Variants in ACTN2 observed in about 807,000 individuals in gnomAD.
ACTN2 encodes the protein actinin alpha 2, also known as alpha-actinin-2.
Under a neutral mutation model 113.8 loss-of-function variants are expected in ACTN2, and 39 were observed. The observed-to-expected ratio is 0.34, with a 90% CI of 0.27 to 0.45. The LOEUF (loss-of-function observed/expected upper bound fraction) is 0.45. Ranked by LOEUF, ACTN2 falls within the 20% of genes least tolerant of loss-of-function variation. The pLI, the probability that ACTN2 is intolerant of heterozygous loss-of-function variation, is 1.00. For synonymous variants in ACTN2, 429 were observed against 444.1 expected (o/e 0.97, Z 0.43); for missense variants, 992 against 1,177.9 (o/e 0.84, Z 2.31).
At chr1:236,750,862 G>T (rs930011456) in intron 14 of ACTN2, among the ~76,000 whole-genome samples, 5 of 152,070 alleles carry the variant, frequency 3.3e-5, no homozygotes, top group Non-Finnish European at 5.9e-5. Flanking sequence ...GCCAGGCGGG[G>T]AGGATCACTT....
At chr1:236,727,827 C>A in intron 6 of ACTN2, 71 bp downstream of exon 6, 1 of 1,460,552 alleles carries the variant, frequency 6.8e-7, no homozygotes, top group Non-Finnish European at 9.6e-7. Context: ...ATGAGCACAT[C>A]AGCACTAGCC....
intron 6 of ACTN2, among the ~76,000 whole-genome samples, chr1:236,729,922 T>A (rs1161663175): frequency 1.3e-5 from 2 of 152,202 alleles, no homozygotes; most frequent in African/African-American, 2.4e-5. Context: ...AGAAAAATGA[T>A]AATACAATAG....
chr1:236,746,250 C>T lies in ACTN2; in HGVS notation c.1407-1417C>T, dbSNP rs1239897947. On this transcript the variant is annotated intron_variant, in intron 12 of 20. Coordinates refer to ENST00000366578, the MANE Select transcript of ACTN2 (RefSeq NM_001103.4). Reference sequence around the variant, plus strand: ...ATGGATTTGGTAGGGTAGGAGGGGACTTTTCAAAGTTGTCTAATCCTGGAC... The same window carrying T: ...ATGGATTTGGTAGGGTAGGAGGGGATTTTTCAAAGTTGTCTAATCCTGGAC... 2.7e-5 allele frequency among the ~76,000 whole-genome samples: 4 copies of T among 150,900 alleles called. No individual in the cohort carries two copies. The East Asian group carries it at 7.8e-4, about 29-fold the overall frequency.
chr1:236,718,863 A>G (rs951603467), intron 2 of ACTN2, 31 bp from the exon 3 acceptor site: 3 of 1,613,988 alleles, frequency 1.9e-6, no homozygotes, highest in African/African-American at 2.7e-5. Context: ...CACTGTCTCT[A>G]TGTCTGCATG....
Position 236,737,297 on chromosome 1 carries a change from G to GTA in ACTN2, c.876+83_876+84insTA. ...GAGGGTGAAAAAATACTCCGTGGGG[G>GTA]CATATATATATATATATATATTTTG... On this transcript the variant is annotated intron_variant, in intron 9 of 20. Transcript: ENST00000366578. 621 of 322,066 alleles carry GTA rather than the reference G, an allele frequency of 1.9e-3. 119 individuals carry two copies. The highest frequency in any genetic ancestry group is 7.5e-3 in the East Asian group (129 of 17,208). 20.0% of individuals were successfully genotyped at this position (322,066 alleles called of 1,614,324 possible). A position where few individuals can be genotyped will look rare whatever the true frequency, so the allele number is the denominator to read the frequency against.
rs370646112 is a variant in ACTN2, at chr1:236,686,667, G to A, written c.-7G>A. 4.5e-6 allele frequency: 7 copies of A among 1,552,768 alleles called. No individual in the cohort carries two copies. Among genetic ancestry groups the A allele is most frequent in the African/African-American group, 4.3e-5 (3 of 69,830 alleles). ...CGCCCCGCCGCAGCCCCGGCCAACC[G>A]AGCGCCATGAACCAGATAGAGCCCG... On this transcript the variant is annotated 5_prime_UTR_variant, in exon 1 of 21. Coordinates refer to ENST00000366578, the MANE Select transcript of ACTN2 (RefSeq NM_001103.4).
chr1:236,706,446 G>A (rs141337271), intron 1 of ACTN2, among the ~76,000 whole-genome samples: 3 of 152,062 alleles, frequency 2.0e-5, no homozygotes, highest in African/African-American at 7.2e-5. Context: ...TGGTCATGGG[G>A]CCTCGGAAAA....
intron 1 of ACTN2, among the ~76,000 whole-genome samples, chr1:236,705,763 A>G (rs1447798790): frequency 7.2e-5 from 11 of 152,220 alleles, no homozygotes; most frequent in Non-Finnish European, 1.5e-4. Context: ...GTGATTCCAT[A>G]TATCGGAGAG....
intron 20 of ACTN2, among the ~76,000 whole-genome samples, chr1:236,761,575 A>G (rs1029576591): frequency 2.0e-5 from 3 of 152,184 alleles, no homozygotes; most frequent in African/African-American, 4.8e-5. Context: ...CTAAGGATCA[A>G]TGACCCTGAC....
At chr1:236,704,343 T>G (rs2102873716) in intron 1 of ACTN2, among the ~76,000 whole-genome samples, 1 of 152,308 alleles carries the variant, frequency 6.6e-6, no homozygotes, top group Non-Finnish European at 1.5e-5. Flanking sequence ...CTCCTCCCAC[T>G]TTCCGCCACC....
intron 1 of ACTN2, among the ~76,000 whole-genome samples, chr1:236,697,524 A>G (rs1450564010): frequency 1.3e-5 from 2 of 152,194 alleles, no homozygotes; most frequent in Non-Finnish European, 2.9e-5. Context: ...CAATGTTGGG[A>G]ACTGAACATG....
Position 236,757,629 on chromosome 1 carries a change from C to G in ACTN2, c.2298C>G (p.Asp766Glu). 1 of 1,614,124 alleles carries G rather than the reference C, an allele frequency of 6.2e-7. No individual in the cohort carries two copies. The highest frequency in any genetic ancestry group is 8.5e-7 in the Non-Finnish European group (1 of 1,180,014). Reference protein sequence around the residue: ...NEFRASFNHFDRRKNGLMDHE... With the variant: ...NEFRASFNHFERRKNGLMDHE... ...TCAGAGCCTCCTTCAACCACTTTGA[C>G]AGGGTACCACTCTCTACTTATTTGA... Residue 766 changes from aspartate to glutamate, a missense_variant, in exon 18 of 21, where the codon GAC (aspartate) becomes GAG (glutamate). Coordinates refer to ENST00000366578, the MANE Select transcript of ACTN2 (RefSeq NM_001103.4).
intron 6 of ACTN2, among the ~76,000 whole-genome samples, chr1:236,729,490 C>G (rs755858606): frequency 2.6e-5 from 4 of 152,076 alleles, no homozygotes; most frequent in Non-Finnish European, 5.9e-5. Context: ...GGACTCCAGC[C>G]CTTTTGCATG....
At chr1:236,734,081 T>C (rs1355454939) in intron 7 of ACTN2, among the ~76,000 whole-genome samples, 4 of 152,178 alleles carry the variant, frequency 2.6e-5, no homozygotes, top group South Asian at 2.1e-4. Flanking sequence ...GGGCCCTCCA[T>C]GTGTGTAGTA....
chr1:236,688,590 A>G (rs1665957887), intron 1 of ACTN2, among the ~76,000 whole-genome samples: 3 of 152,234 alleles, frequency 2.0e-5, no homozygotes. Context: ...TTTAAAAATA[A>G]CATACTTCCT....
At chr1:236,721,015 G>GGGTTTTTTTTTTTTTTTTTTTTTTTT in intron 4 of ACTN2, among the ~76,000 whole-genome samples, 2 of 49,138 alleles carry the variant, frequency 4.1e-5, no homozygotes, top group African/African-American at 1.0e-4. Context: ...TCTGGTTTTT[G>GGGTTTTTTTTTTTTTTTTTTTTTTTT]TTTTTTGTTT....
At chr1:236,706,430 T>C (rs1657826096) in intron 1 of ACTN2, among the ~76,000 whole-genome samples, 1 of 152,276 alleles carries the variant, frequency 6.6e-6, no homozygotes, top group South Asian at 2.1e-4. Context: ...AATGTTCAAA[T>C]GGTGGTGGTC....
intron 4 of ACTN2, among the ~76,000 whole-genome samples, chr1:236,722,051 A>T (rs898061743): frequency 6.6e-6 from 1 of 152,188 alleles, no homozygotes; most frequent in African/African-American, 2.4e-5. Context: ...ACATTAAAAA[A>T]TTATAATTTT....
At chr1:236,716,067 A>G (rs1461267285) in intron 1 of ACTN2, among the ~76,000 whole-genome samples, 3 of 148,462 alleles carry the variant, frequency 2.0e-5, no homozygotes, top group Non-Finnish European at 3.0e-5. Context: ...GGTAAAATTT[A>G]TTACTGTAAA....
Sources: allele counts gnomAD v4.1 joint callset (sites outside exome capture counted in the v4.1 genomes callset), GRCh38; gene constraint gnomAD v4.1.1; transcripts MANE v1.5; gene names NCBI Gene and HGNC (gene_info 2026-07-23, HGNC 2026-07-21).